NBPF9: variants seen among roughly 807,000 people sequenced by gnomAD.
The protein encoded by NBPF9 is NBPF family member NBPF9.
NBPF9 carries 91 observed loss-of-function variants against 97.8 expected under a neutral mutation model. The observed-to-expected ratio is 0.93, with a 90% CI of 0.79 to 1.11. The LOEUF is 1.11. Among genes scored for constraint, NBPF9 ranks in the 50% least tolerant of loss-of-function variants. The pLI is 0.00. For missense variants in NBPF9, 992 were observed against 939.5 expected, an observed-to-expected ratio of 1.06 and a Z score of -0.73; for synonymous variants, 334 against 359.5, an observed-to-expected ratio of 0.93 and a Z score of 0.80.
intron 19 of NBPF9, 45 bp downstream of exon 19, chr1:149,064,386 C>T (rs1376757373): frequency 2.5e-6 from 2 of 791,398 alleles, no homozygotes; most frequent in East Asian, 2.5e-5. Context: ...TTGGCATCTC[C>T]AGGTGTCAAC....
At chr1:149,082,389 A>G (rs1421277050) in exon 6 of NBPF9, 16 of 1,381,912 alleles carry the variant, frequency 1.2e-5, no homozygotes, top group Middle Eastern at 2.5e-4. Context: ...TCAGACTCTG[A>G]TAAGAGTGAG....
chr1:149,056,053 G>T (rs1303673960), intron 29 of NBPF9, among the ~76,000 whole-genome samples, 154 bp from the exon 30 acceptor site: 1 of 152,036 alleles, frequency 6.6e-6, no homozygotes, highest in South Asian at 2.1e-4. Flanking sequence ...CCTTTATGTT[G>T]GGATAGAACA....
intron 13 of NBPF9, among the ~76,000 whole-genome samples, chr1:149,073,463 A>C (rs2079576297): frequency 7.0e-6 from 1 of 143,436 alleles, no homozygotes; most frequent in African/African-American, 2.6e-5. Flanking sequence ...ATGGCACACC[A>C]TTTTGAGTAT....
chr1:149,100,612 G>A (rs1329712798), intron 3 of NBPF9, among the ~76,000 whole-genome samples: 2 of 151,986 alleles, frequency 1.3e-5, no homozygotes, highest in East Asian at 3.9e-4. Context: ...AAATGGTGCT[G>A]GATCAAGCAG....
chr1:149,055,377 G>A (rs1553648483), exon 30 of NBPF9: 7 of 618,630 alleles, frequency 1.1e-5, no homozygotes, highest in East Asian at 6.6e-5. Context: ...GAGGAATTTT[G>A]TAGCTACCCA....
intron 16 of NBPF9, 70 bp downstream of exon 16, chr1:149,070,864 G>A (rs587739952): frequency 7.8e-7 from 1 of 1,278,092 alleles, no homozygotes; most frequent in Admixed American, 1.8e-5. Context: ...TGTGTTTATA[G>A]AGCCTGTCTT....
At position 149,102,813 on chromosome 1, in the gene NBPF9, CT is replaced by C. The variant is rs1485965006; in HGVS notation, c.-809del. ...GCTACAAACGCTCCTCATGTGCATC[CT>C]GGACTTGGTACACCCGGCTTGCCCA... On this transcript the variant is annotated 5_prime_UTR_variant, in exon 2 of 30. An upstream open reading frame in the 5' UTR gains an earlier in-frame stop. Coordinates refer to ENST00000584027, the Ensembl canonical transcript of NBPF9. 1.3e-5 allele frequency: 2 copies of C among 152,076 alleles called. No homozygotes were observed. Among genetic ancestry groups the C allele is most frequent in the Admixed American group, 1.3e-4 (2 of 15,288 alleles). The allele number at this position is 152,076 out of a possible 1,614,324, so 9.4% of individuals were successfully genotyped here. A position where few individuals can be genotyped will look rare whatever the true frequency, so the allele number is the denominator to read the frequency against.
rs781859464 is a variant in NBPF9, at chr1:149,075,647, G to A, written c.988+8C>T. The A allele has an allele frequency of 1.9e-6, 3 of 1,589,786 alleles. No individual in the cohort carries two copies. In the Admixed American group the frequency reaches 5.0e-5, roughly 27 times the overall value. On this transcript the variant is annotated splice_region_variant and intron_variant, in intron 12 of 29. Transcript: ENST00000584027. Reference sequence around the variant, plus strand: ...TCACTTTCGTGATGGTGAGCCTATAGATCTTACTGTATTTGTTCTGCTGGT... The same window carrying A: ...TCACTTTCGTGATGGTGAGCCTATAAATCTTACTGTATTTGTTCTGCTGGT...
exon 14 of NBPF9, chr1:149,072,884 T>A: frequency 6.2e-7 from 1 of 1,606,624 alleles, no homozygotes; most frequent in Non-Finnish European, 8.5e-7. Flanking sequence ...ACTTCTCCCT[T>A]AACTGGGTCA....
At chr1:149,074,468 A>G (rs2152897883) in intron 12 of NBPF9, among the ~76,000 whole-genome samples, 1 of 151,742 alleles carries the variant, frequency 6.6e-6, no homozygotes, top group Admixed American at 6.6e-5. Flanking sequence ...GAAACAGCAG[A>G]ATGAAGAACT....
At chr1:149,056,032 A>G (rs587764139) in intron 29 of NBPF9, 133 bp from the exon 30 acceptor site, 4 of 1,571,538 alleles carry the variant, frequency 2.5e-6, no homozygotes, top group East Asian at 4.6e-5. Flanking sequence ...GGTAAAAAAA[A>G]AAATTTATTG....
intron 12 of NBPF9, among the ~76,000 whole-genome samples, chr1:149,074,189 C>A (rs1575840952): frequency 6.6e-6 from 1 of 151,620 alleles, no homozygotes; most frequent in African/African-American, 2.4e-5. Flanking sequence ...CCAAGCTTTG[C>A]AGCCTCTCCT....
At chr1:149,070,287 C>G (rs1419507435) in intron 16 of NBPF9, among the ~76,000 whole-genome samples, 1 of 143,818 alleles carries the variant, frequency 7.0e-6, no homozygotes, top group Non-Finnish European at 1.5e-5. Flanking sequence ...TGCCACTGTA[C>G]TCCAGCCTGG....
chr1:149,062,816 C>G (rs2078718853), intron 21 of NBPF9, 46 bp downstream of exon 21: 4 of 715,832 alleles, frequency 5.6e-6, no homozygotes, highest in South Asian at 4.5e-5. Flanking sequence ...CCTGGCATCT[C>G]CAGGTGTCAA....
Position 149,057,704 on chromosome 1 carries a change from GACACACACACACACAC to G in NBPF9, c.2811-213_2811-198del, listed in dbSNP as rs879952249. 5.3e-3 allele frequency among the ~76,000 whole-genome samples: 147 copies of G among 27,796 alleles called. 1 individual carries two copies. Among genetic ancestry groups the G allele is most frequent in the Middle Eastern group, 0.05 (2 of 40 alleles). 18.2% of individuals were successfully genotyped at this position (27,796 alleles called of 152,430 possible). A position where few individuals can be genotyped will look rare whatever the true frequency, so the allele number is the denominator to read the frequency against. On this transcript the variant is annotated intron_variant, in intron 27 of 29. Transcript: ENST00000584027. ...AAAGAATGAAAGAGAAAGACAGATA[GACACACACACACACAC>G]ACACACACACACACACACACACACA...
chr1:149,053,921 C>G (rs1395773681), downstream of NBPF9: 30 of 146,534 alleles, frequency 2.0e-4, 1 homozygote, highest in African/African-American at 7.8e-4. Context: ...CACAGACACA[C>G]ACACACTCAC....
chr1:149,100,130 G>C (rs1553662934), intron 3 of NBPF9, among the ~76,000 whole-genome samples: 1 of 138,622 alleles, frequency 7.2e-6, no homozygotes, highest in Admixed American at 7.5e-5. Context: ...GTATACCTAA[G>C]AACAATGAAG....
At chr1:149,100,099 T>C (rs1223633556) in intron 3 of NBPF9, among the ~76,000 whole-genome samples, 2 of 141,922 alleles carry the variant, frequency 1.4e-5, no homozygotes, top group East Asian at 4.5e-4. Flanking sequence ...GTACGATCCA[T>C]AAAGTTTTCC....
intron 17 of NBPF9, among the ~76,000 whole-genome samples, chr1:149,068,449 A>G (rs1295811192): frequency 6.7e-6 from 1 of 148,762 alleles, no homozygotes; most frequent in African/African-American, 2.5e-5. Flanking sequence ...AAGCAAATGG[A>G]AAACAAAAAA....
Sources: allele counts gnomAD v4.1 joint callset (sites outside exome capture counted in the v4.1 genomes callset), GRCh38; gene constraint gnomAD v4.1.1; transcripts MANE v1.5; gene names NCBI Gene and HGNC (gene_info 2026-07-23, HGNC 2026-07-21).